C13orf42: variants seen among roughly 807,000 people sequenced by gnomAD.
The protein encoded by C13orf42 is uncharacterized protein C13orf42.
chr13:51,143,922 T>C (rs1953716039), intron 1 of C13orf42, among the ~76,000 whole-genome samples: 1 of 152,216 alleles, frequency 6.6e-6, no homozygotes, highest in South Asian at 2.1e-4. Context: ...TCCAAAATTA[T>C]GGGAAACTCC....
intron 1 of C13orf42, among the ~76,000 whole-genome samples, chr13:51,117,525 G>A (rs1328359): frequency 0.87 from 131,788 of 152,206 alleles, 57,291 homozygotes; most frequent in South Asian, 0.94. Context: ...CTTATCAAAC[G>A]TTTACATGAC....
chr13:51,157,086 C>T (rs1953829840), intron 1 of C13orf42, among the ~76,000 whole-genome samples: 2 of 152,206 alleles, frequency 1.3e-5, no homozygotes, highest in Non-Finnish European at 2.9e-5. Flanking sequence ...ATGTCCAGAT[C>T]CAGGCCTAGA....
intron 1 of C13orf42, among the ~76,000 whole-genome samples, chr13:51,129,866 T>C (rs1953603353): frequency 6.6e-6 from 1 of 152,178 alleles, no homozygotes. Context: ...GTTATAAACT[T>C]TGCTGCAGAT....
intron 1 of C13orf42, among the ~76,000 whole-genome samples, chr13:51,127,596 A>G (rs572325456): frequency 1.4e-4 from 21 of 152,252 alleles, no homozygotes; most frequent in Non-Finnish European, 1.3e-4. Flanking sequence ...GTTACCTTCC[A>G]TGAAATCTAG....
chr13:51,167,569 G>A (rs1046290271), intron 1 of C13orf42, among the ~76,000 whole-genome samples: 4 of 152,186 alleles, frequency 2.6e-5, no homozygotes, highest in Non-Finnish European at 2.9e-5. Context: ...ATGGTGGTGC[G>A]GGGAGTGCTG....
chr13:51,096,694 TTC>T (rs775165384), intron 1 of C13orf42, among the ~76,000 whole-genome samples: 1 of 152,228 alleles, frequency 6.6e-6, no homozygotes, highest in African/African-American at 2.4e-5. Context: ...TAAACCAAAA[TTC>T]TGTTTTAAAG....
chr13:51,086,173 G>T (rs984293935), intron 2 of C13orf42, among the ~76,000 whole-genome samples: 1 of 152,128 alleles, frequency 6.6e-6, no homozygotes, highest in Non-Finnish European at 1.5e-5. Flanking sequence ...CGGGCGTGGT[G>T]GTGAGCGCCC....
At chr13:51,133,719 C>A (rs1953636439) in intron 1 of C13orf42, among the ~76,000 whole-genome samples, 1 of 152,160 alleles carries the variant, frequency 6.6e-6, no homozygotes, top group African/African-American at 2.4e-5. Context: ...GCACTGAGGT[C>A]TGATGCACAT....
At chr13:51,117,757 G>A (rs1184571376) in intron 1 of C13orf42, among the ~76,000 whole-genome samples, 12 of 151,740 alleles carry the variant, frequency 7.9e-5, no homozygotes, top group Admixed American at 7.9e-4. Flanking sequence ...TATCAGTTTG[G>A]CTTCCATAAC....
intron 1 of C13orf42, among the ~76,000 whole-genome samples, chr13:51,105,214 C>T (rs549757431): frequency 2.6e-5 from 4 of 152,208 alleles, no homozygotes; most frequent in Non-Finnish European, 4.4e-5. Context: ...AGCTAAGCTG[C>T]CAATCCATAG....
rs1195438185 is a variant in C13orf42, at chr13:51,083,968, G to A, written c.*183C>T. The A allele has an allele frequency of 2.6e-6, 1 of 387,366 alleles. No individual in the cohort carries two copies. The highest frequency in any genetic ancestry group is 2.1e-5 in the African/African-American group (1 of 48,400). The allele number at this position is 387,366 out of a possible 1,614,324, so 24.0% of individuals were successfully genotyped here. A position where few individuals can be genotyped will look rare whatever the true frequency, so the allele number is the denominator to read the frequency against. ...AACTCAAGCTCTGAGAGTGTCCTGA[G>A]ACCTGTCCCCTGGGAAGCCACAGGT... On this transcript the variant is annotated 3_prime_UTR_variant, in exon 4 of 4. Coordinates refer to ENST00000563710, the MANE Select transcript of C13orf42 (RefSeq NM_001351589.3).
intron 1 of C13orf42, among the ~76,000 whole-genome samples, chr13:51,138,668 A>G (rs965401307): frequency 2.0e-5 from 3 of 152,230 alleles, no homozygotes; most frequent in Admixed American, 6.5e-5. Flanking sequence ...TTCTATGGAA[A>G]AAGTATGGAG....
At chr13:51,127,172 A>G (rs1173434716) in intron 1 of C13orf42, among the ~76,000 whole-genome samples, 1 of 152,216 alleles carries the variant, frequency 6.6e-6, no homozygotes, top group Non-Finnish European at 1.5e-5. Flanking sequence ...GTCTTAAAAA[A>G]ATAAAAATAA....
intron 1 of C13orf42, among the ~76,000 whole-genome samples, chr13:51,149,461 C>A (rs1440242733): frequency 6.6e-6 from 1 of 152,156 alleles, no homozygotes; most frequent in African/African-American, 2.4e-5. Flanking sequence ...GAAATGATTT[C>A]TCTAAAGAGC....
At chr13:51,100,444 T>C (rs1403247315) in intron 1 of C13orf42, among the ~76,000 whole-genome samples, 1 of 152,042 alleles carries the variant, frequency 6.6e-6, no homozygotes, top group East Asian at 1.9e-4. Flanking sequence ...TAAGAAGAAG[T>C]GTCCCTATAA....
chr13:51,113,806 A>T (rs1953459250), upstream of C13orf42, among the ~76,000 whole-genome samples: 1 of 152,048 alleles, frequency 6.6e-6, no homozygotes, highest in South Asian at 2.1e-4. Flanking sequence ...CTCTTTTTAC[A>T]CATTGTGGAA....
At chr13:51,088,182 T>C (rs1310477203) in intron 1 of C13orf42, 107 bp from the exon 2 acceptor site, 1 of 395,784 alleles carries the variant, frequency 2.5e-6, no homozygotes, top group Admixed American at 4.4e-5. Context: ...GTTAGGGATT[T>C]GTGAGGTTTC....
chr13:51,103,864 C>T (rs1464355105), intron 1 of C13orf42, among the ~76,000 whole-genome samples: 1 of 152,050 alleles, frequency 6.6e-6, no homozygotes, highest in Non-Finnish European at 1.5e-5. Flanking sequence ...AGAACAGAGA[C>T]TACCATGGAC....
intron 1 of C13orf42, among the ~76,000 whole-genome samples, chr13:51,156,430 G>A (rs549751246): frequency 1.2e-3 from 185 of 152,258 alleles, no homozygotes; most frequent in Middle Eastern, 3.4e-3. Flanking sequence ...TCCTGAAGAT[G>A]AGAAAATTAA....
Sources: allele counts gnomAD v4.1 joint callset (sites outside exome capture counted in the v4.1 genomes callset), GRCh38; gene constraint gnomAD v4.1.1; transcripts MANE v1.5; gene names NCBI Gene and HGNC (gene_info 2026-07-23, HGNC 2026-07-21).